Variants in SGCZ observed in about 807,000 individuals in gnomAD.
The protein encoded by SGCZ is zeta-sarcoglycan.
In SGCZ, 40 loss-of-function variants were observed where a neutral mutation model predicts 41.3. The ratio of observed to expected loss-of-function variants is 0.97; its 90% CI spans 0.75 to 1.26. The LOEUF is 1.26. SGCZ is among the 50% of genes most tolerant of loss of function. The pLI is 0.00. For synonymous variants in SGCZ, 206 were observed against 137.5 expected (o/e 1.50, Z -3.49); for missense variants, 552 against 369.8 (o/e 1.49, Z -4.04).
At chr8:14,581,107 T>C (rs958683471) in intron 1 of SGCZ, among the ~76,000 whole-genome samples, 1 of 152,142 alleles carries the variant, frequency 6.6e-6, no homozygotes, top group African/African-American at 2.4e-5. Flanking sequence ...TAATTTTTTT[T>C]ATTTATTTGT....
chr8:14,669,623 T>A (rs1336123119), intron 1 of SGCZ, among the ~76,000 whole-genome samples: 1 of 151,906 alleles, frequency 6.6e-6, no homozygotes, highest in Non-Finnish European at 1.5e-5. Flanking sequence ...GGCCTCCAGG[T>A]CCATACATGT....
chr8:14,479,466 C>A (rs1801460156), intron 2 of SGCZ, among the ~76,000 whole-genome samples: 1 of 152,066 alleles, frequency 6.6e-6, no homozygotes, highest in East Asian at 1.9e-4. Context: ...CAAAGGTTAA[C>A]CTCCTTTGGC....
intron 3 of SGCZ, 37 bp from the exon 4 acceptor site, chr8:14,237,716 G>C (rs367679580): frequency 1.3e-5 from 20 of 1,565,646 alleles, no homozygotes; most frequent in South Asian, 8.2e-5. Context: ...ATAGAAAATA[G>C]AAATATCGTC....
At chr8:14,130,077 CTT>C (rs1320413757) in intron 5 of SGCZ, among the ~76,000 whole-genome samples, 3 of 152,094 alleles carry the variant, frequency 2.0e-5, no homozygotes, top group Non-Finnish European at 4.4e-5. Flanking sequence ...GATTATAAAA[CTT>C]AACACAAAAC....
chr8:14,722,621 GA>G (rs1258150630), intron 1 of SGCZ, among the ~76,000 whole-genome samples: 1 of 150,498 alleles, frequency 6.6e-6, no homozygotes, highest in Non-Finnish European at 1.5e-5. Context: ...AAAGCAATAT[GA>G]AAAAGCAAGA....
chr8:14,214,813 A>G (rs1188845213), intron 4 of SGCZ, among the ~76,000 whole-genome samples: 1 of 152,152 alleles, frequency 6.6e-6, no homozygotes, highest in Non-Finnish European at 1.5e-5. Flanking sequence ...CACTAAGATG[A>G]CATAGAAATC....
At chr8:15,050,470 A>C (rs1048325226) in intron 1 of SGCZ, among the ~76,000 whole-genome samples, 1 of 152,194 alleles carries the variant, frequency 6.6e-6, no homozygotes, top group Admixed American at 6.5e-5. Context: ...TGGTACATGT[A>C]CATTCTGGAG....
intron 1 of SGCZ, among the ~76,000 whole-genome samples, chr8:14,947,489 G>T (rs1800490319): frequency 6.6e-6 from 1 of 152,154 alleles, no homozygotes; most frequent in South Asian, 2.1e-4. Flanking sequence ...TATAAAAGAT[G>T]CTCTGCTACT....
intron 1 of SGCZ, among the ~76,000 whole-genome samples, chr8:14,761,880 G>T (rs936009185): frequency 3.9e-5 from 6 of 152,050 alleles, no homozygotes; most frequent in African/African-American, 1.2e-4. Context: ...ACTCCCAAGG[G>T]CTAGAATTTC....
chr8:14,985,967 G>C (rs1801813723), intron 1 of SGCZ, among the ~76,000 whole-genome samples: 1 of 152,138 alleles, frequency 6.6e-6, no homozygotes, highest in Admixed American at 6.5e-5. Flanking sequence ...GAAATAACTA[G>C]AGATGGGGTT....
In SGCZ at chr8:15,092,684, T is replaced by C. The variant is rs182835344; in HGVS notation, c.39+144901A>G. On this transcript the variant is annotated intron_variant, in intron 1 of 7. Coordinates refer to ENST00000382080, the MANE Select transcript of SGCZ (RefSeq NM_139167.4). ...TCTTAATATGACTTTTAAAATTCCA[T>C]ACTTCAAAAGAACCAAGAAAATCAT... Among the ~76,000 whole-genome samples, 5 of 152,334 alleles carry C rather than the reference T, an allele frequency of 3.3e-5. 1 individual carries two copies. Among genetic ancestry groups the C allele is most frequent in the South Asian group, 4.1e-4 (2 of 4,826 alleles).
intron 1 of SGCZ, among the ~76,000 whole-genome samples, chr8:15,002,706 C>G (rs1235723768): frequency 6.6e-6 from 1 of 152,178 alleles, no homozygotes; most frequent in African/African-American, 2.4e-5. Flanking sequence ...TAAAATAGAA[C>G]CACCGTCACA....
At chr8:14,736,393 A>G (rs1266122258) in intron 1 of SGCZ, among the ~76,000 whole-genome samples, 1 of 152,204 alleles carries the variant, frequency 6.6e-6, no homozygotes, top group Non-Finnish European at 1.5e-5. Flanking sequence ...TGCATTCTAC[A>G]TTAAATGAAA....
At chr8:14,668,954 G>T (rs907259588) in intron 1 of SGCZ, among the ~76,000 whole-genome samples, 2 of 151,310 alleles carry the variant, frequency 1.3e-5, no homozygotes, top group Non-Finnish European at 2.9e-5. Flanking sequence ...GTGTGTTTGT[G>T]GTGAGAACAT....
At chr8:14,482,748 G>C (rs1054183165) in intron 2 of SGCZ, among the ~76,000 whole-genome samples, 4 of 151,968 alleles carry the variant, frequency 2.6e-5, no homozygotes, top group African/African-American at 9.7e-5. Context: ...GAACAAAAAG[G>C]CAGAGGAAGG....
chr8:14,515,659 G>A (rs1802599249), intron 2 of SGCZ, among the ~76,000 whole-genome samples: 1 of 152,084 alleles, frequency 6.6e-6, no homozygotes, highest in Admixed American at 6.6e-5. Context: ...GTTTATGTGA[G>A]TGAAAATTTC....
chr8:14,214,493 A>T (rs938727746), intron 4 of SGCZ, among the ~76,000 whole-genome samples: 1 of 152,184 alleles, frequency 6.6e-6, no homozygotes, highest in African/African-American at 2.4e-5. Flanking sequence ...AATGTTAATC[A>T]TAGGAAAAAC....
intron 3 of SGCZ, among the ~76,000 whole-genome samples, chr8:14,248,244 C>A (rs1321443026): frequency 6.6e-6 from 1 of 152,066 alleles, no homozygotes; most frequent in African/African-American, 2.4e-5. Flanking sequence ...GTATTGCATG[C>A]TTATGGCTTG....
intron 2 of SGCZ, among the ~76,000 whole-genome samples, chr8:14,439,376 TAACA>T (rs955654262): frequency 2.7e-5 from 4 of 150,212 alleles, no homozygotes; most frequent in Admixed American, 2.7e-4. Context: ...TTAAAACAAT[TAACA>T]AATTTTACAC....
Sources: allele counts gnomAD v4.1 joint callset (sites outside exome capture counted in the v4.1 genomes callset), GRCh38; gene constraint gnomAD v4.1.1; transcripts MANE v1.5; gene names NCBI Gene and HGNC (gene_info 2026-07-23, HGNC 2026-07-21).